TAFA5: variants seen among roughly 807,000 people sequenced by gnomAD.
TAFA5 encodes the protein chemokine-like protein TAFA-5.
TAFA5 carries 6 observed loss-of-function variants against 15.3 expected under a neutral mutation model. That is an observed-to-expected ratio of 0.39 (90% CI 0.21 to 0.77). The LOEUF (loss-of-function observed/expected upper bound fraction) is 0.77, where lower values mean the gene tolerates loss of function less well. Ranked by LOEUF, TAFA5 falls within the 30% of genes least tolerant of loss-of-function variation. The pLI is 0.41. For missense variants in TAFA5, 161 were observed against 193.1 expected (o/e 0.83, Z 0.98); for synonymous variants, 103 against 80.7 (o/e 1.28, Z -1.48).
chr22:48,634,752 TTCACTCAG>T (rs1384682695), intron 1 of TAFA5, among the ~76,000 whole-genome samples: 4 of 114,730 alleles, frequency 3.5e-5, no homozygotes, highest in Non-Finnish European at 3.4e-5. Flanking sequence ...CACTCATTCA[TTCACTCAG>T]TCACTCAGCC....
intron 1 of TAFA5, among the ~76,000 whole-genome samples, chr22:48,576,817 C>T (rs996519848): frequency 7.2e-5 from 11 of 151,752 alleles, no homozygotes; most frequent in Non-Finnish European, 1.6e-4. Flanking sequence ...GCGCTGCGTT[C>T]TCGGTGCCTC....
rs1027985214 is a variant in TAFA5 at position 48,749,925 on chromosome 22, C to T, written c.*78C>T. 6 of 1,355,248 alleles carry T rather than the reference C, an allele frequency of 4.4e-6. No individual in the cohort carries two copies. The African/African-American group carries it at 8.7e-5, about 20-fold the overall frequency. The allele number at this position is 1,355,248 out of a possible 1,614,324, so 84.0% of individuals were successfully genotyped here. A position where few individuals can be genotyped will look rare whatever the true frequency, so the allele number is the denominator to read the frequency against. ...CACGTCTCAGCCACAGTTCTCCACT[C>T]GCCTCGGACTTCACCCGTTCTCTGC... is the stretch of plus-strand genomic sequence containing the variant. On this transcript the variant is annotated 3_prime_UTR_variant, in exon 4 of 4. Transcript: ENST00000402357.
chr22:48,567,030 A>C (rs908708150), intron 1 of TAFA5, among the ~76,000 whole-genome samples: 1 of 152,080 alleles, frequency 6.6e-6, no homozygotes, highest in Non-Finnish European at 1.5e-5. Flanking sequence ...TCGCTGTTCC[A>C]CTTGTGGAGG....
chr22:48,615,568 A>G (rs540800707), intron 1 of TAFA5, among the ~76,000 whole-genome samples: 3 of 152,272 alleles, frequency 2.0e-5, no homozygotes, highest in Admixed American at 2.0e-4. Context: ...TCATAAATAA[A>G]TCCCTTTCTA....
chr22:48,719,847 C>T (rs1403118089), intron 3 of TAFA5, among the ~76,000 whole-genome samples: 1 of 152,104 alleles, frequency 6.6e-6, no homozygotes, highest in Non-Finnish European at 1.5e-5. Context: ...ATATGGCCGG[C>T]GCCACATCAG....
intron 3 of TAFA5, among the ~76,000 whole-genome samples, chr22:48,740,761 G>T (rs1177889671): frequency 6.6e-6 from 1 of 152,168 alleles, no homozygotes; most frequent in Non-Finnish European, 1.5e-5. Flanking sequence ...TGGTGGCTGC[G>T]ATGTGGCCTC....
At chr22:48,681,205 G>A (rs1158823282) in intron 2 of TAFA5, among the ~76,000 whole-genome samples, 1 of 152,160 alleles carries the variant, frequency 6.6e-6, no homozygotes, top group Non-Finnish European at 1.5e-5. Context: ...GCCCATCGCA[G>A]CTGTAACCAA....
At chr22:48,575,788 C>G (rs1923756878) in intron 1 of TAFA5, among the ~76,000 whole-genome samples, 1 of 143,890 alleles carries the variant, frequency 6.9e-6, no homozygotes, top group Non-Finnish European at 1.5e-5. Flanking sequence ...CGGGCTCGGC[C>G]GGGCCGCGCG....
intron 1 of TAFA5, among the ~76,000 whole-genome samples, chr22:48,641,407 A>AT (rs1387132865): frequency 6.6e-6 from 1 of 151,946 alleles, no homozygotes; most frequent in Non-Finnish European, 1.5e-5. Context: ...TGGATTCTTT[A>AT]TTTTTTAAAA....
intron 3 of TAFA5, among the ~76,000 whole-genome samples, chr22:48,722,874 G>T (rs132252): frequency 6.6e-6 from 1 of 151,882 alleles, no homozygotes; most frequent in African/African-American, 2.4e-5. Context: ...AGCATATGTA[G>T]AACTGGACGC....
Position 48,729,417 on chromosome 22 carries a change from A to C in TAFA5, c.391-20422A>C, listed in dbSNP as rs1929806121. 2.0e-5 allele frequency among the ~76,000 whole-genome samples: 3 copies of C among 146,632 alleles called. No individual in the cohort carries two copies. In the South Asian group the frequency reaches 6.3e-4, roughly 31 times the overall value. The stretch of plus-strand genomic sequence containing the variant: ...ATAGTCATAAATATATTTATATTAT[A>C]AATTCGTATAAAATATAAATTCATA... On this transcript the variant is annotated intron_variant, in intron 3 of 3. Coordinates refer to ENST00000402357, the MANE Select transcript of TAFA5 (RefSeq NM_001082967.3).
intron 3 of TAFA5, among the ~76,000 whole-genome samples, chr22:48,739,210 G>A (rs1930112004): frequency 6.6e-6 from 1 of 152,110 alleles, no homozygotes; most frequent in African/African-American, 2.4e-5. Flanking sequence ...GCAAAGAGAG[G>A]AAATATACCA....
At chr22:48,687,779 G>A (rs1377304935) in intron 2 of TAFA5, among the ~76,000 whole-genome samples, 1 of 152,130 alleles carries the variant, frequency 6.6e-6, no homozygotes, top group African/African-American at 2.4e-5. Context: ...TCTGAGGGGG[G>A]AACATGTAGC....
At chr22:48,587,944 C>T (rs1028642883) in intron 1 of TAFA5, among the ~76,000 whole-genome samples, 4 of 152,334 alleles carry the variant, frequency 2.6e-5, no homozygotes, top group Admixed American at 1.3e-4. Context: ...TCTCAGTCCC[C>T]GCACTTTCCC....
chr22:48,563,482 G>T (rs999105412), intron 1 of TAFA5, among the ~76,000 whole-genome samples: 1 of 152,212 alleles, frequency 6.6e-6, no homozygotes. Flanking sequence ...GTGTCTGAAG[G>T]CGGGTGGCGT....
Position 48,653,929 on chromosome 22 carries a change from C to G in TAFA5, c.262+7183C>G, listed in dbSNP as rs146272276. On this transcript the variant is annotated intron_variant, in intron 2 of 3. Coordinates refer to ENST00000402357, the MANE Select transcript of TAFA5 (RefSeq NM_001082967.3). ...ATTTTTGAGGTGCTGTGGGGAGTCTCAGGTTGGGAGCACACTGGGAGGTGG... is the reference window on the plus strand; with the variant it reads ...ATTTTTGAGGTGCTGTGGGGAGTCTGAGGTTGGGAGCACACTGGGAGGTGG... 1.6e-3 allele frequency among the ~76,000 whole-genome samples: 240 copies of G among 152,170 alleles called. 2 individuals are homozygous for G. Among genetic ancestry groups the G allele is most frequent in the Middle Eastern group, 3.4e-3 (1 of 294 alleles).
In TAFA5 at chr22:48,676,216, C is replaced by T. The variant is rs529632097; in HGVS notation, c.262+29470C>T. On this transcript the variant is annotated intron_variant, in intron 2 of 3. Coordinates refer to ENST00000402357, the MANE Select transcript of TAFA5 (RefSeq NM_001082967.3). ...CTGGGAGGGCAGAGAGCCTGGACAGCGTCCACCTCATGGTCTTGGCCTGTC... is the reference window on the plus strand; with the variant it reads ...CTGGGAGGGCAGAGAGCCTGGACAGTGTCCACCTCATGGTCTTGGCCTGTC... Among the ~76,000 whole-genome samples, 9 of 152,372 alleles carry T rather than the reference C, an allele frequency of 5.9e-5. 1 individual carries two copies. Among genetic ancestry groups the T allele is most frequent in the Admixed American group, 3.9e-4 (6 of 15,310 alleles).
intron 3 of TAFA5, among the ~76,000 whole-genome samples, chr22:48,732,554 C>A (rs1430990281): frequency 1.3e-5 from 2 of 152,134 alleles, no homozygotes; most frequent in Non-Finnish European, 2.9e-5. Context: ...CACGCCTGGC[C>A]AGAAAGTGTT....
At chr22:48,608,871 A>G (rs955683985) in intron 1 of TAFA5, among the ~76,000 whole-genome samples, 1 of 152,244 alleles carries the variant, frequency 6.6e-6, no homozygotes, top group African/African-American at 2.4e-5. Context: ...TTTCTCTGCT[A>G]ACACCCCAGG....
Sources: allele counts gnomAD v4.1 joint callset (sites outside exome capture counted in the v4.1 genomes callset), GRCh38; gene constraint gnomAD v4.1.1; transcripts MANE v1.5; gene names NCBI Gene and HGNC (gene_info 2026-07-23, HGNC 2026-07-21).